C8orf34: variants seen among roughly 807,000 people sequenced by gnomAD.
The protein encoded by C8orf34 is chromosome 8 open reading frame 34.
In C8orf34, 65 loss-of-function variants were observed where a neutral mutation model predicts 68.3. The observed-to-expected ratio is 0.95, with a 90% CI of 0.78 to 1.17. C8orf34 has a LOEUF of 1.17. Ranked by LOEUF, C8orf34 falls within the 50% of genes most tolerant of loss-of-function variation. The pLI is 0.00. For synonymous variants in C8orf34, 244 were observed against 241.2 expected (o/e 1.01, Z -0.11); for missense variants, 664 against 655.4 (o/e 1.01, Z -0.14).
intron 10 of C8orf34, among the ~76,000 whole-genome samples, chr8:68,747,375 T>G (rs1822536985): frequency 6.6e-6 from 1 of 150,652 alleles, no homozygotes; most frequent in Non-Finnish European, 1.5e-5. Context: ...GTGTTGGAAG[T>G]TCTGGCCAGG....
In C8orf34 at chr8:68,818,107, C is replaced by A. The variant is rs976746053; in HGVS notation, c.1610-132C>A. 7 of 787,122 alleles carry A rather than the reference C, an allele frequency of 8.9e-6. No individual in the cohort carries two copies. In the African/African-American group the frequency reaches 1.2e-4, roughly 14 times the overall value. 48.8% of individuals were successfully genotyped at this position (787,122 alleles called of 1,614,324 possible). A position where few individuals can be genotyped will look rare whatever the true frequency, so the allele number is the denominator to read the frequency against. The stretch of plus-strand genomic sequence containing the variant: ...AAATATGATTAATAGAGGTAGTATT[C>A]TAATGTCAATATCCTTTCAAAAGTT... On this transcript the variant is annotated intron_variant, in intron 13 of 13. Transcript: ENST00000518698.
chr8:68,331,287 A>G lies in C8orf34; in HGVS notation c.275A>G (p.Gln92Arg). The G allele has an allele frequency of 6.5e-7, 1 of 1,536,468 alleles. No individual in the cohort carries two copies. Among genetic ancestry groups the G allele is most frequent in the Non-Finnish European group, 8.7e-7 (1 of 1,146,978 alleles). ...SHLFPMASHP[Q>R]TRIQAYLEKN... The stretch of plus-strand genomic sequence containing the variant: ...CTGTTCCCCATGGCGTCTCATCCGC[A>G]AACCCGGATCCAGGCTTACCTGGAG... Residue 92 changes from glutamine (Q) to arginine (R), a missense_variant, in exon 1 of 14, where the codon CAA becomes CGA. Coordinates refer to ENST00000518698, the MANE Select transcript of C8orf34 (RefSeq NM_052958.4).
chr8:68,645,959 C>A (rs1211584945), intron 8 of C8orf34, among the ~76,000 whole-genome samples: 1 of 152,130 alleles, frequency 6.6e-6, no homozygotes, highest in East Asian at 1.9e-4. Context: ...TCTCTCTGAC[C>A]TTGTCTCCTC....
intron 10 of C8orf34, among the ~76,000 whole-genome samples, chr8:68,748,316 A>T (rs1305358911): frequency 1.4e-5 from 2 of 146,986 alleles, no homozygotes; most frequent in Non-Finnish European, 3.0e-5. Flanking sequence ...CATTCAGGAC[A>T]TAGGCACGGG....
At chr8:68,395,123 CA>C in intron 1 of C8orf34, among the ~76,000 whole-genome samples, 1 of 151,854 alleles carries the variant, frequency 6.6e-6, no homozygotes, top group African/African-American at 2.4e-5. Flanking sequence ...GGAAAAAGTA[CA>C]AAAAGTATTT....
intron 10 of C8orf34, among the ~76,000 whole-genome samples, chr8:68,756,482 T>C (rs1305040208): frequency 6.6e-6 from 1 of 152,180 alleles, no homozygotes; most frequent in Non-Finnish European, 1.5e-5. Context: ...CGGAAGTGTA[T>C]ACTTCTGAAG....
At chr8:68,480,290 A>G (rs1812803637) in intron 4 of C8orf34, among the ~76,000 whole-genome samples, 1 of 152,158 alleles carries the variant, frequency 6.6e-6, no homozygotes, top group African/African-American at 2.4e-5. Context: ...TGCCTCTGCC[A>G]TATAAGAAAT....
chr8:68,453,749 G>A (rs1033201579), intron 3 of C8orf34, among the ~76,000 whole-genome samples: 1 of 151,850 alleles, frequency 6.6e-6, no homozygotes, highest in African/African-American at 2.4e-5. Context: ...TTCCAATTTG[G>A]TTGCCTTTTA....
chr8:68,805,333 C>G (rs890025593), intron 12 of C8orf34, among the ~76,000 whole-genome samples: 2 of 152,134 alleles, frequency 1.3e-5, no homozygotes, highest in African/African-American at 4.8e-5. Context: ...GTGGAGTTTT[C>G]TTTATGTGTC....
intron 7 of C8orf34, among the ~76,000 whole-genome samples, chr8:68,574,633 T>C (rs1184848176): frequency 1.3e-5 from 2 of 152,048 alleles, no homozygotes; most frequent in Non-Finnish European, 2.9e-5. Flanking sequence ...CTAGTTGCTG[T>C]TTTTGTCTCA....
chr8:68,474,313 A>C (rs556301047), intron 4 of C8orf34, among the ~76,000 whole-genome samples: 2 of 152,158 alleles, frequency 1.3e-5, no homozygotes, highest in African/African-American at 4.8e-5. Context: ...TAACTTACCT[A>C]TCCTTCCAAA....
Position 68,706,959 on chromosome 8 carries a change from A to G in C8orf34, c.1242-2035A>G, listed in dbSNP as rs563387409. 2.6e-5 allele frequency among the ~76,000 whole-genome samples: 4 copies of G among 152,330 alleles called. No homozygotes were observed. In the East Asian group the frequency reaches 7.7e-4, roughly 29 times the overall value. The stretch of plus-strand genomic sequence containing the variant: ...AATATGAAAAGGAGGAGCAGCCAAC[A>G]TTCTGTTTAGGGGCTGAAAATATAA... On this transcript the variant is annotated intron_variant, in intron 8 of 13. Transcript: ENST00000518698.
chr8:68,468,301 C>T (rs960431311), intron 3 of C8orf34, among the ~76,000 whole-genome samples: 1 of 151,966 alleles, frequency 6.6e-6, no homozygotes, highest in East Asian at 1.9e-4. Context: ...GTATATTTAG[C>T]CTTCTATGAA....
chr8:68,815,605 C>CAT (rs1824786253), intron 12 of C8orf34, among the ~76,000 whole-genome samples: 1 of 152,108 alleles, frequency 6.6e-6, no homozygotes, highest in African/African-American at 2.4e-5. Flanking sequence ...ACACAGACTA[C>CAT]ATACATATCC....
intron 1 of C8orf34, among the ~76,000 whole-genome samples, chr8:68,338,255 T>C (rs537592707): frequency 6.6e-6 from 1 of 152,280 alleles, no homozygotes; most frequent in Admixed American, 6.5e-5. Flanking sequence ...GCTTTCTTGG[T>C]CTAATCATCA....
At chr8:68,663,702 A>G (rs142047752) in intron 8 of C8orf34, among the ~76,000 whole-genome samples, 76 of 152,270 alleles carry the variant, frequency 5.0e-4, no homozygotes, top group African/African-American at 1.8e-3. Context: ...AGATAATTGA[A>G]GTTTTATAAC....
At chr8:68,775,192 T>C (rs1337324805) in intron 10 of C8orf34, among the ~76,000 whole-genome samples, 1 of 152,002 alleles carries the variant, frequency 6.6e-6, no homozygotes, top group Admixed American at 6.6e-5. Context: ...AAGTATTAAA[T>C]TGGCGTGAGG....
chr8:68,488,880 G>A (rs757082705), intron 5 of C8orf34, among the ~76,000 whole-genome samples: 3 of 152,036 alleles, frequency 2.0e-5, no homozygotes, highest in Non-Finnish European at 4.4e-5. Flanking sequence ...GGACCCCAAA[G>A]AGTCTTGATT....
intron 4 of C8orf34, among the ~76,000 whole-genome samples, chr8:68,469,418 G>T (rs1016757097): frequency 6.6e-6 from 1 of 151,962 alleles, no homozygotes; most frequent in African/African-American, 2.4e-5. Context: ...AAAGCAGAAA[G>T]ACATGATTAT....
Sources: allele counts gnomAD v4.1 joint callset (sites outside exome capture counted in the v4.1 genomes callset), GRCh38; gene constraint gnomAD v4.1.1; transcripts MANE v1.5; gene names NCBI Gene and HGNC (gene_info 2026-07-23, HGNC 2026-07-21).